The following GPC6 variants were observed in gnomAD, a reference collection of about 807,000 sequenced individuals.
GPC6 encodes glypican-6.
Under a neutral mutation model 55.2 loss-of-function variants are expected in GPC6, and 14 were observed. The ratio of observed to expected loss-of-function variants is 0.25; its 90% CI spans 0.17 to 0.40. GPC6 has a LOEUF of 0.40. Ranked by LOEUF, GPC6 falls within the 10% of genes least tolerant of loss-of-function variation. The pLI, the probability that GPC6 is intolerant of heterozygous loss-of-function variation, is 1.00. For synonymous variants in GPC6, 278 were observed against 259.6 expected (o/e 1.07, Z -0.68); for missense variants, 641 against 708.5 (o/e 0.90, Z 1.08).
At chr13:93,290,837 A>G (rs1878295586) in intron 1 of GPC6, among the ~76,000 whole-genome samples, 1 of 152,180 alleles carries the variant, frequency 6.6e-6, no homozygotes, top group African/African-American at 2.4e-5. Flanking sequence ...CCATTTGCTA[A>G]GGAGAATAAA....
At chr13:93,733,990 A>G (rs1040656507) in intron 2 of GPC6, among the ~76,000 whole-genome samples, 1 of 152,156 alleles carries the variant, frequency 6.6e-6, no homozygotes, top group African/African-American at 2.4e-5. Context: ...ACACCCACAT[A>G]CTTTAATGAC....
chr13:93,309,902 C>CAG (rs1879007235), intron 1 of GPC6, among the ~76,000 whole-genome samples: 1 of 152,158 alleles, frequency 6.6e-6, no homozygotes, highest in African/African-American at 2.4e-5. Flanking sequence ...TTGTTAAGAG[C>CAG]ATCTACTTGT....
chr13:94,323,092 C>G (rs146411274), intron 6 of GPC6, among the ~76,000 whole-genome samples: 1 of 152,088 alleles, frequency 6.6e-6, no homozygotes. Context: ...GACGGGATTG[C>G]GAAAGAAGCC....
At chr13:94,316,917 T>G (rs1876569636) in intron 6 of GPC6, among the ~76,000 whole-genome samples, 1 of 152,226 alleles carries the variant, frequency 6.6e-6, no homozygotes, top group Non-Finnish European at 1.5e-5. Flanking sequence ...CTGCAGCAAA[T>G]CAAATTGTTC....
At chr13:93,455,873 T>C (rs1773233873) in intron 1 of GPC6, among the ~76,000 whole-genome samples, 1 of 152,214 alleles carries the variant, frequency 6.6e-6, no homozygotes, top group Admixed American at 6.5e-5. Context: ...ACCGCTTTTC[T>C]AAGTTCTGCG....
chr13:93,447,653 A>C (rs1005680630), intron 1 of GPC6, among the ~76,000 whole-genome samples: 1 of 152,248 alleles, frequency 6.6e-6, no homozygotes, highest in Non-Finnish European at 1.5e-5. Context: ...TCTTTAGTTC[A>C]TATACATGAA....
intron 4 of GPC6, among the ~76,000 whole-genome samples, chr13:94,248,133 G>A (rs1300019787): frequency 6.6e-6 from 1 of 152,062 alleles, no homozygotes; most frequent in African/African-American, 2.4e-5. Flanking sequence ...ATTCGTCATG[G>A]AATTATTAGG....
chr13:93,700,947 T>A (rs1379620364), intron 2 of GPC6, among the ~76,000 whole-genome samples: 1 of 152,154 alleles, frequency 6.6e-6, no homozygotes, highest in Non-Finnish European at 1.5e-5. Context: ...TATTTGTTTT[T>A]TTATTTAGGC....
At chr13:93,518,533 T>C (rs1297319183) in intron 1 of GPC6, among the ~76,000 whole-genome samples, 1 of 152,048 alleles carries the variant, frequency 6.6e-6, no homozygotes, top group Non-Finnish European at 1.5e-5. Flanking sequence ...TTAAAATATG[T>C]ATAAATTGAA....
chr13:94,212,478 T>C (rs943957930), intron 4 of GPC6, among the ~76,000 whole-genome samples: 2 of 152,188 alleles, frequency 1.3e-5, no homozygotes, highest in African/African-American at 4.8e-5. Flanking sequence ...GTAAATAAAT[T>C]TCCCAACTGT....
At chr13:93,704,199 T>C (rs1446911514) in intron 2 of GPC6, among the ~76,000 whole-genome samples, 1 of 151,910 alleles carries the variant, frequency 6.6e-6, no homozygotes, top group Non-Finnish European at 1.5e-5. Flanking sequence ...GGCACATATA[T>C]GGAAGGGAAG....
intron 2 of GPC6, among the ~76,000 whole-genome samples, chr13:93,567,979 G>A (rs527925957): frequency 6.6e-6 from 1 of 152,246 alleles, no homozygotes; most frequent in African/African-American, 2.4e-5. Context: ...GCAACTTGAT[G>A]TTCTAAGAGA....
intron 1 of GPC6, among the ~76,000 whole-genome samples, chr13:93,502,443 T>A (rs1880557816): frequency 6.6e-6 from 1 of 152,152 alleles, no homozygotes; most frequent in Admixed American, 6.6e-5. Context: ...CTCTTACATC[T>A]ATACCCAACC....
chr13:94,387,746 C>CTCTCTCTCTCTT (rs1880472467), intron 7 of GPC6, among the ~76,000 whole-genome samples: 1 of 140,758 alleles, frequency 7.1e-6, no homozygotes, highest in Non-Finnish European at 1.5e-5. Context: ...CTCTCTCTCT[C>CTCTCTCTCTCTT]TCTCTCTCTC....
chr13:94,286,758 A>G (rs1271169972), intron 5 of GPC6, among the ~76,000 whole-genome samples: 1 of 152,126 alleles, frequency 6.6e-6, no homozygotes, highest in South Asian at 2.1e-4. Context: ...CTAATCCCTC[A>G]CATTTGTGAG....
chr13:93,478,198 G>A (rs1278450324), intron 1 of GPC6, among the ~76,000 whole-genome samples: 1 of 152,124 alleles, frequency 6.6e-6, no homozygotes, highest in Admixed American at 6.5e-5. Flanking sequence ...TTTAATCTAT[G>A]AGTTATAACA....
At chr13:93,462,868 T>C (rs543762568) in intron 1 of GPC6, among the ~76,000 whole-genome samples, 1 of 152,212 alleles carries the variant, frequency 6.6e-6, no homozygotes, top group Non-Finnish European at 1.5e-5. Context: ...GCATCACCTG[T>C]GTCCTTCCTT....
intron 4 of GPC6, among the ~76,000 whole-genome samples, chr13:94,200,603 G>A (rs1360240399): frequency 2.0e-5 from 3 of 152,172 alleles, no homozygotes; most frequent in Non-Finnish European, 4.4e-5. Flanking sequence ...AAGTGTGATG[G>A]TGGAGAAAAG....
chr13:93,899,744 A>T (rs535377361), intron 3 of GPC6, among the ~76,000 whole-genome samples: 2 of 152,148 alleles, frequency 1.3e-5, no homozygotes, highest in Non-Finnish European at 2.9e-5. Flanking sequence ...GATCCAAAAC[A>T]ACCAGTTTTC....
Sources: gnomAD v4.1 joint callset for allele counts (sites outside exome capture counted in the v4.1 genomes callset) on GRCh38, gnomAD v4.1.1 for gene constraint, MANE v1.5 for transcripts, NCBI Gene and HGNC (gene_info 2026-07-23, HGNC 2026-07-21) for gene names.